NALF1: variants seen among roughly 807,000 people sequenced by gnomAD.
NALF1 encodes NALCN channel auxiliary factor 1, also known as family with sequence similarity 155 member A.
NALF1 carries 3 observed loss-of-function variants against 48.4 expected under a neutral mutation model. That is an observed-to-expected ratio of 0.06 (90% confidence interval 0.03 to 0.16). NALF1 has a LOEUF of 0.16. Among genes scored for constraint, NALF1 ranks in the 10% least tolerant of loss-of-function variants. NALF1 has a pLI of 1.00. For synonymous variants in NALF1, 262 were observed against 245.7 expected, an observed-to-expected ratio of 1.07 and a Z score of -0.62; for missense variants, 526 against 571.5, an observed-to-expected ratio of 0.92 and a Z score of 0.81.
chr13:107,732,499 G>A (rs1280127340), intron 1 of NALF1, among the ~76,000 whole-genome samples: 3 of 152,138 alleles, frequency 2.0e-5, no homozygotes, highest in South Asian at 2.1e-4. Flanking sequence ...GGGCTTAGAC[G>A]TGGCAGTACC....
At chr13:107,352,214 A>G (rs899852006) in intron 1 of NALF1, among the ~76,000 whole-genome samples, 1 of 152,106 alleles carries the variant, frequency 6.6e-6, no homozygotes, top group African/African-American at 2.4e-5. Flanking sequence ...GTTGTGTTTC[A>G]TGGGAAGGAA....
rs115811796 is a variant in NALF1 at position 107,834,209 on chromosome 13, T to C, written c.915+31473A>G. On this transcript the variant is annotated intron_variant, in intron 1 of 2. Coordinates refer to ENST00000375915, the MANE Select transcript of NALF1 (RefSeq NM_001080396.3). ...ATGCATAGGTTAGATGCAAATACTATGCCATGTTAAATATGGGATGTGAGC... is the reference window on the plus strand; with the variant it reads ...ATGCATAGGTTAGATGCAAATACTACGCCATGTTAAATATGGGATGTGAGC... 2.3e-3 allele frequency among the ~76,000 whole-genome samples: 348 copies of C among 152,306 alleles called. 2 individuals carry two copies. Among genetic ancestry groups the C allele is most frequent in the African/African-American group, 7.9e-3 (329 of 41,564 alleles).
chr13:107,681,569 G>T (rs1157677948), intron 1 of NALF1, among the ~76,000 whole-genome samples: 12 of 152,136 alleles, frequency 7.9e-5, no homozygotes, highest in Admixed American at 5.2e-4. Context: ...GCAGACATCA[G>T]GGGAGGCAAG....
chr13:107,487,365 A>C (rs977643112), intron 1 of NALF1, among the ~76,000 whole-genome samples: 2 of 152,210 alleles, frequency 1.3e-5, no homozygotes, highest in Non-Finnish European at 2.9e-5. Flanking sequence ...GATGATGAAT[A>C]TATTGTTGAT....
At chr13:107,536,481 C>T (rs966002424) in intron 1 of NALF1, among the ~76,000 whole-genome samples, 2 of 152,266 alleles carry the variant, frequency 1.3e-5, no homozygotes, top group Non-Finnish European at 2.9e-5. Flanking sequence ...TGAAAAAATG[C>T]TCATCATCAC....
intron 1 of NALF1, among the ~76,000 whole-genome samples, chr13:107,643,425 T>A (rs1880217236): frequency 6.6e-6 from 1 of 151,962 alleles, no homozygotes; most frequent in Admixed American, 6.6e-5. Flanking sequence ...ACACAGTTAT[T>A]TATAATTATG....
At chr13:107,724,488 C>A (rs896763523) in intron 1 of NALF1, among the ~76,000 whole-genome samples, 3 of 152,174 alleles carry the variant, frequency 2.0e-5, no homozygotes, top group African/African-American at 7.2e-5. Flanking sequence ...TTGTCTGCTT[C>A]AAGATTTTGA....
chr13:107,289,132 G>A (rs1881564172), intron 1 of NALF1, among the ~76,000 whole-genome samples: 1 of 152,014 alleles, frequency 6.6e-6, no homozygotes, highest in Non-Finnish European at 1.5e-5. Context: ...TATTTCCTTT[G>A]CTTTAGAGAG....
At chr13:107,751,751 C>A (rs186075594) in intron 1 of NALF1, among the ~76,000 whole-genome samples, 2 of 152,094 alleles carry the variant, frequency 1.3e-5, no homozygotes, top group Non-Finnish European at 2.9e-5. Flanking sequence ...AGTTTACATT[C>A]TGTAACCGAC....
intron 1 of NALF1, among the ~76,000 whole-genome samples, chr13:107,275,550 A>ATT (rs149489541): frequency 3.3e-5 from 5 of 150,836 alleles, no homozygotes; most frequent in East Asian, 2.0e-4. Flanking sequence ...TTGAGCAGTG[A>ATT]TTTTTTTTTT....
intron 1 of NALF1, among the ~76,000 whole-genome samples, chr13:107,224,465 C>A (rs1211009139): frequency 6.7e-6 from 1 of 148,570 alleles, no homozygotes; most frequent in Non-Finnish European, 1.5e-5. Flanking sequence ...AAATATAATA[C>A]AAATTACATA....
chr13:107,209,925 T>C (rs1879725711), intron 2 of NALF1, among the ~76,000 whole-genome samples: 1 of 152,240 alleles, frequency 6.6e-6, no homozygotes, highest in Admixed American at 6.5e-5. Context: ...GCTCTTGCTC[T>C]TTATATCTTA....
chr13:107,401,352 C>T (rs1039265070), intron 1 of NALF1, among the ~76,000 whole-genome samples: 2 of 152,092 alleles, frequency 1.3e-5, no homozygotes, highest in African/African-American at 4.8e-5. Flanking sequence ...TATATCCTCC[C>T]CTCAAAAGGG....
intron 1 of NALF1, among the ~76,000 whole-genome samples, chr13:107,419,256 T>G (rs1206365101): frequency 6.6e-6 from 1 of 152,206 alleles, no homozygotes; most frequent in Non-Finnish European, 1.5e-5. Context: ...CAAAGGTAGG[T>G]TTTTCCCCAA....
At chr13:107,811,733 T>C (rs1878998386) in intron 1 of NALF1, among the ~76,000 whole-genome samples, 1 of 152,168 alleles carries the variant, frequency 6.6e-6, no homozygotes, top group Non-Finnish European at 1.5e-5. Flanking sequence ...TCCAAGAATA[T>C]GGCCCAGACA....
At chr13:107,606,617 C>T (rs1879078799) in intron 1 of NALF1, among the ~76,000 whole-genome samples, 3 of 152,160 alleles carry the variant, frequency 2.0e-5, no homozygotes, top group African/African-American at 4.8e-5. Flanking sequence ...CCACCTGCCT[C>T]GGCCTTCCAA....
intron 1 of NALF1, among the ~76,000 whole-genome samples, chr13:107,298,022 C>T (rs1409574496): frequency 6.6e-6 from 1 of 152,056 alleles, no homozygotes; most frequent in Non-Finnish European, 1.5e-5. Flanking sequence ...GTATTCAAAA[C>T]CATTTCAATA....
At chr13:107,830,042 A>G (rs1347843515) in intron 1 of NALF1, among the ~76,000 whole-genome samples, 1 of 152,170 alleles carries the variant, frequency 6.6e-6, no homozygotes, top group Non-Finnish European at 1.5e-5. Flanking sequence ...TTTATAACCC[A>G]AGAGTGCCAT....
intron 1 of NALF1, among the ~76,000 whole-genome samples, chr13:107,631,726 G>C (rs1461124619): frequency 6.6e-6 from 1 of 152,026 alleles, no homozygotes; most frequent in Non-Finnish European, 1.5e-5. Flanking sequence ...TTTTCTTTAT[G>C]ATAAGCCTCT....
Sources: gnomAD v4.1 joint callset for allele counts (sites outside exome capture counted in the v4.1 genomes callset) on GRCh38, gnomAD v4.1.1 for gene constraint, MANE v1.5 for transcripts, NCBI Gene and HGNC (gene_info 2026-07-23, HGNC 2026-07-21) for gene names.